TRPM2: variants seen among roughly 807,000 people sequenced by gnomAD.
The protein encoded by TRPM2 is estrogen-responsive element-associated gene 1 protein.
TRPM2 carries 161 observed loss-of-function variants against 174.0 expected under a neutral mutation model. The observed-to-expected ratio is 0.93, with a 90% confidence interval of 0.81 to 1.05. TRPM2 has a LOEUF of 1.05. Among genes scored for constraint, TRPM2 ranks in the 50% least tolerant of loss-of-function variants. The pLI is 0.00. For synonymous variants in TRPM2, 954 were observed against 861.3 expected, an observed-to-expected ratio of 1.11 and a Z score of -1.88; for missense variants, 2,057 against 2,038.0, an observed-to-expected ratio of 1.01 and a Z score of -0.18.
Position 44,440,851 on chromosome 21 carries a change from C to T in TRPM2, c.4332C>T (p.Ala1444=), listed in dbSNP as rs763895675. The change falls in exon 31 of 32, where the codon GCC becomes GCT. Residue 1444 remains alanine (A), a synonymous_variant. Coordinates refer to ENST00000397928, the MANE Select transcript of TRPM2 (RefSeq NM_003307.4). ...NTDNAWIETV[A]VSVHFQDQND... is the part of the protein sequence containing the mutation. ...ACAATGCCTGGATCGAGACGGTGGC[C>T]GTCAGCGTCCACTTCCAGGACCAGA... 1.7e-5 allele frequency: 27 copies of T among 1,613,790 alleles called. No homozygotes were observed. The highest frequency in any genetic ancestry group is 2.7e-5 in the African/African-American group (2 of 74,952).
At chr21:44,359,516 C>A (rs1240198106) in intron 2 of TRPM2, among the ~76,000 whole-genome samples, 2 of 151,070 alleles carry the variant, frequency 1.3e-5, no homozygotes, top group African/African-American at 2.4e-5. Context: ...GGCGGGGAAA[C>A]CTGTTTCCTT....
chr21:44,366,353 C>T lies in TRPM2; in HGVS notation c.424-401C>T, dbSNP rs2073606395. Among the ~76,000 whole-genome samples the T allele has an allele frequency of 6.6e-6, 1 of 151,942 alleles. No homozygotes were observed. Among genetic ancestry groups the T allele is most frequent in the Admixed American group, 6.6e-5 (1 of 15,266 alleles). On this transcript the variant is annotated intron_variant, in intron 3 of 31. Transcript: ENST00000397928. This position sits in a 1 kb window ranked among gnomAD's most constrained non-coding sequence, Gnocchi z 6.0. Reference sequence around the variant, plus strand: ...TGCTGGGTGCACAAGGACAGAAGGGCAGAGACCCCGGTGCAGGAGCTGATT... The same window carrying T: ...TGCTGGGTGCACAAGGACAGAAGGGTAGAGACCCCGGTGCAGGAGCTGATT...
chr21:44,425,070 C>A lies in TRPM2; in HGVS notation c.3637+131C>A, dbSNP rs1205239993. 3.8e-6 allele frequency: 3 copies of A among 799,960 alleles called. No homozygotes were observed. In the African/African-American group the frequency reaches 5.2e-5, roughly 14 times the overall value. 49.6% of individuals were successfully genotyped at this position (799,960 alleles called of 1,614,324 possible). A position where few individuals can be genotyped will look rare whatever the true frequency, so the allele number is the denominator to read the frequency against. ...AGGAAGGCACTGGCTGCAGCCTGTT[C>A]CAGGCAGGGCCAGCGCCCTCAGGAA... On this transcript the variant is annotated intron_variant, in intron 24 of 31. Transcript: ENST00000397928.
chr21:44,385,059 C>G lies in TRPM2; in HGVS notation c.1318+2239C>G, dbSNP rs181882178. On this transcript the variant is annotated intron_variant, in intron 9 of 31. Coordinates refer to ENST00000397928, the MANE Select transcript of TRPM2 (RefSeq NM_003307.4). ...CAACAAAATATTAGCATACAAAATT[C>G]AGTAGCATTAACAGGATTATACACT... 8.9e-4 allele frequency among the ~76,000 whole-genome samples: 136 copies of G among 152,272 alleles called. 1 individual carries two copies. Among genetic ancestry groups the G allele is most frequent in the African/African-American group, 3.2e-3 (133 of 41,552 alleles).
chr21:44,394,859 C>T (rs953972535), intron 11 of TRPM2, among the ~76,000 whole-genome samples: 5 of 152,048 alleles, frequency 3.3e-5, no homozygotes, highest in Non-Finnish European at 7.4e-5. Flanking sequence ...TTTTCTACTT[C>T]TGGGGAGCGT....
intron 9 of TRPM2, among the ~76,000 whole-genome samples, chr21:44,387,717 T>C (rs1371025878): frequency 6.6e-6 from 1 of 151,612 alleles, no homozygotes; most frequent in Non-Finnish European, 1.5e-5. Context: ...AAAAACACAA[T>C]TCAAAAATGG....
intron 16 of TRPM2, among the ~76,000 whole-genome samples, chr21:44,404,126 C>T (rs573181115): frequency 6.6e-6 from 1 of 151,778 alleles, no homozygotes; most frequent in South Asian, 2.1e-4. Flanking sequence ...CATGAATGAA[C>T]ATACACATAT....
chr21:44,439,221 A>C lies in TRPM2; in HGVS notation c.4269+53A>C, dbSNP rs1389773339. On this transcript the variant is annotated intron_variant, in intron 30 of 31. Transcript: ENST00000397928. This position sits in a 1 kb window ranked among gnomAD's most constrained non-coding sequence, Gnocchi z 5.1. ...ACCTGTGTGTCCCCAGGGCTGCAGGACAAACACAGTGTGATACTGGGGACC... is the reference window on the plus strand; with the variant it reads ...ACCTGTGTGTCCCCAGGGCTGCAGGCCAAACACAGTGTGATACTGGGGACC... The C allele has an allele frequency of 5.8e-5, 89 of 1,537,262 alleles. No homozygotes were observed. The highest frequency in any genetic ancestry group is 7.9e-5 in the Non-Finnish European group (88 of 1,113,884).
In TRPM2 at chr21:44,406,641, G is replaced by A. The variant is rs778732618; in HGVS notation, c.2838G>A (p.Val946=). Residue 946 remains valine (V), a synonymous_variant, in exon 19 of 32, where the codon GTG becomes GTA. Transcript: ENST00000397928. ...FFLFLLAVWV[V]SFGVAKQAIL... is the part of the protein sequence containing the mutation. ...TCTTCCTGCTGGCTGTGTGGGTGGT[G>A]TCCTTCGGGGTGGCCAAGCAGGCCA... The A allele has an allele frequency of 3.1e-6, 5 of 1,610,750 alleles. No individual in the cohort carries two copies. The East Asian group carries it at 6.7e-5, about 22-fold the overall frequency.
intron 5 of TRPM2, among the ~76,000 whole-genome samples, chr21:44,370,471 C>T (rs1245522098): frequency 2.6e-5 from 4 of 152,194 alleles, no homozygotes; most frequent in Non-Finnish European, 5.9e-5. Context: ...CCAGATTTTC[C>T]AAGGACACAC....
In TRPM2 at chr21:44,405,713, G is replaced by A. The variant is rs535979676; in HGVS notation, c.2658-192G>A. 2.5e-3 allele frequency among the ~76,000 whole-genome samples: 377 copies of A among 152,248 alleles called. 1 individual carries two copies. The highest frequency in any genetic ancestry group is 8.8e-3 in the African/African-American group (365 of 41,550). Reference sequence around the variant, plus strand: ...GCCAGGCTGCCCTGTGGGGCTGGGCGTCTGAAGAAAAGTGGGAGGCTCTAT... The same window carrying A: ...GCCAGGCTGCCCTGTGGGGCTGGGCATCTGAAGAAAAGTGGGAGGCTCTAT... On this transcript the variant is annotated intron_variant, in intron 17 of 31. Coordinates refer to ENST00000397928, the MANE Select transcript of TRPM2 (RefSeq NM_003307.4).
At chr21:44,418,686 C>T in intron 22 of TRPM2, 131 bp downstream of exon 22, 1 of 1,199,708 alleles carries the variant, frequency 8.3e-7, no homozygotes, top group Middle Eastern at 2.4e-4. Flanking sequence ...GCGCTGTATC[C>T]CGTGGCCCCT....
At chr21:44,370,961 T>C (rs1001556932) in intron 5 of TRPM2, among the ~76,000 whole-genome samples, 6 of 151,948 alleles carry the variant, frequency 3.9e-5, no homozygotes, top group African/African-American at 7.3e-5. Context: ...AGGGTGTGTG[T>C]CCCAGCCCGG....
chr21:44,403,957 CAT>C (rs1569071921), intron 16 of TRPM2, among the ~76,000 whole-genome samples: 1 of 72,240 alleles, frequency 1.4e-5, no homozygotes, highest in Non-Finnish European at 3.6e-5. Context: ...CATATGCACA[CAT>C]ACATACACAC....
Position 44,353,670 on chromosome 21 carries a change from G to A in TRPM2, c.-31G>A, listed in dbSNP as rs761215924. 2 of 1,459,352 alleles carry A rather than the reference G, an allele frequency of 1.4e-6. No homozygotes were observed. The highest frequency in any genetic ancestry group is 2.9e-5 in the South Asian group (2 of 69,968). 90.4% of individuals were successfully genotyped at this position (1,459,352 alleles called of 1,614,324 possible). ...GAGAGGACTGTCCTGAGGGCAGCAG[G>A]CCTGGTTGCAGCTGGCGTGGGGGTC... On this transcript the variant is annotated 5_prime_UTR_variant, in exon 1 of 32. Transcript: ENST00000397928.
chr21:44,433,672 C>T (rs1235502240), intron 27 of TRPM2, among the ~76,000 whole-genome samples: 1 of 152,180 alleles, frequency 6.6e-6, no homozygotes, highest in African/African-American at 2.4e-5. Context: ...GGGGCCGGGG[C>T]TCTGGTTTCT....
At chr21:44,406,800 C>G in intron 19 of TRPM2, 35 bp downstream of exon 19, 6 of 1,572,250 alleles carry the variant, frequency 3.8e-6, no homozygotes, top group Non-Finnish European at 5.2e-6. Context: ...TCGGGTGGTG[C>G]TGCCGGGAAG....
At chr21:44,428,414 G>A (rs376641389) in intron 27 of TRPM2, among the ~76,000 whole-genome samples, 191 of 148,492 alleles carry the variant, frequency 1.3e-3, no homozygotes, top group South Asian at 1.5e-3. Context: ...CTTAGGTGTG[G>A]CTCCTCCCCT....
intron 9 of TRPM2, among the ~76,000 whole-genome samples, chr21:44,388,285 A>G (rs1201575862): frequency 1.3e-5 from 2 of 152,234 alleles, no homozygotes; most frequent in African/African-American, 2.4e-5. Context: ...ACATTATGTT[A>G]AGTGAAATAA....
Sources: allele counts gnomAD v4.1 joint callset (sites outside exome capture counted in the v4.1 genomes callset), GRCh38; gene constraint gnomAD v4.1.1; non-coding constraint Gnocchi (gnomAD v3.1); transcripts MANE v1.5; gene names NCBI Gene and HGNC (gene_info 2026-07-23, HGNC 2026-07-21).